The following SLC12A1 variants were observed in gnomAD, a reference collection of about 807,000 sequenced individuals.
SLC12A1 encodes the protein Na-K-2Cl cotransporter.
Under a neutral mutation model 130.4 loss-of-function variants are expected in SLC12A1, and 89 were observed. The ratio of observed to expected loss-of-function variants is 0.68; its 90% confidence interval spans 0.58 to 0.81. SLC12A1 has a LOEUF of 0.81. SLC12A1 is among the 40% of genes least tolerant of loss of function. The pLI is 0.00. For missense variants in SLC12A1, 1,310 were observed against 1,336.4 expected, an observed-to-expected ratio of 0.98 and a Z score of 0.31; for synonymous variants, 499 against 460.0, an observed-to-expected ratio of 1.08 and a Z score of -1.09.
At chr15:48,284,716 T>C (rs1264000067) in intron 20 of SLC12A1, among the ~76,000 whole-genome samples, 1 of 152,212 alleles carries the variant, frequency 6.6e-6, no homozygotes, top group Non-Finnish European at 1.5e-5. Context: ...CATGGCTCAC[T>C]GCAGCCTCTA....
rs899938461 is a variant in SLC12A1 at position 48,303,682 on chromosome 15, G to A, written c.*797G>A. 7 of 151,866 alleles carry A rather than the reference G, an allele frequency of 4.6e-5. No individual in the cohort carries two copies. Among genetic ancestry groups the A allele is most frequent in the African/African-American group, 1.2e-4 (5 of 41,322 alleles). The allele number at this position is 151,866 out of a possible 1,614,324, so 9.4% of individuals were successfully genotyped here. On this transcript the variant is annotated 3_prime_UTR_variant, in exon 27 of 27. Transcript: ENST00000380993. ...TCAAATATTTTGAAATTTCCATCAC[G>A]GCATTACTTTGCATATTTTTTTCTA...
chr15:48,220,797 C>G, intron 3 of SLC12A1, 32 bp downstream of exon 3: 1 of 1,613,708 alleles, frequency 6.2e-7, no homozygotes, highest in Non-Finnish European at 8.5e-7. Context: ...CAAATGAAAA[C>G]TATCCATTCA....
intron 17 of SLC12A1, among the ~76,000 whole-genome samples, chr15:48,266,572 T>C (rs2041834181): frequency 6.6e-6 from 1 of 151,782 alleles, no homozygotes. Flanking sequence ...TTGTTAGAAA[T>C]GCAAAATATT....
intron 7 of SLC12A1, 26 bp downstream of exon 7, chr15:48,230,529 C>G (rs528406352): frequency 2.1e-6 from 3 of 1,433,988 alleles, no homozygotes; most frequent in East Asian, 4.6e-5. Flanking sequence ...ATGATATTAT[C>G]AACAGTGGCT....
chr15:48,251,697 C>A lies in SLC12A1; in HGVS notation c.1869C>A (p.Ile623=), dbSNP rs2041650606. 6.2e-7 allele frequency: 1 copy of A among 1,613,472 alleles called. No homozygotes were observed. Among genetic ancestry groups the A allele is most frequent in the African/African-American group, 1.3e-5 (1 of 74,890 alleles). Reference sequence around the variant, plus strand: ...TGTGCTGTGCAGTCATGTTTGTCATCAACTGGTGGGCAGCTGTCATCACCT... The same window carrying A: ...TGTGCTGTGCAGTCATGTTTGTCATAAACTGGTGGGCAGCTGTCATCACCT... ...AVLCCAVMFV[I]NWWAAVITYV... Residue 623 remains isoleucine, a synonymous_variant, in exon 15 of 27, where the codon ATC becomes ATA. Transcript: ENST00000380993.
chr15:48,253,669 G>A (rs2041672248), intron 15 of SLC12A1, among the ~76,000 whole-genome samples: 2 of 152,038 alleles, frequency 1.3e-5, no homozygotes, highest in African/African-American at 4.8e-5. Flanking sequence ...TTTCCCTTGG[G>A]TAAATATCTA....
At chr15:48,288,543 G>A (rs756198395) in intron 23 of SLC12A1, 27 bp downstream of exon 23, 2 of 1,043,950 alleles carry the variant, frequency 1.9e-6, no homozygotes, top group Non-Finnish European at 2.9e-6. Context: ...TCACATGTTA[G>A]GTCATTTCAG....
intron 17 of SLC12A1, among the ~76,000 whole-genome samples, chr15:48,265,730 T>C (rs1435790571): frequency 6.6e-6 from 1 of 152,132 alleles, no homozygotes; most frequent in Non-Finnish European, 1.5e-5. Flanking sequence ...CTAGGAAATA[T>C]GCTGGAAAAA....
chr15:48,249,535 A>C, intron 13 of SLC12A1, 40 bp from the exon 14 acceptor site: 1 of 1,465,998 alleles, frequency 6.8e-7, no homozygotes, highest in South Asian at 1.1e-5. Context: ...CCCTGGTCTC[A>C]TCACTCATAC....
chr15:48,218,863 G>A (rs1199751636), intron 2 of SLC12A1, among the ~76,000 whole-genome samples: 1 of 152,170 alleles, frequency 6.6e-6, no homozygotes, highest in Non-Finnish European at 1.5e-5. Flanking sequence ...AATTAAGTAA[G>A]TGCATCTGAA....
intron 20 of SLC12A1, among the ~76,000 whole-genome samples, chr15:48,276,594 C>T (rs776416871): frequency 2.0e-5 from 3 of 152,088 alleles, no homozygotes; most frequent in Admixed American, 6.6e-5. Flanking sequence ...TCAATCCTAC[C>T]GATGCCTTGA....
chr15:48,240,071 CCATATATATATATATATA>C (rs2041494080), intron 9 of SLC12A1, among the ~76,000 whole-genome samples: 1 of 36,428 alleles, frequency 2.7e-5, no homozygotes, highest in African/African-American at 1.5e-4. Flanking sequence ...ATATATATAT[CCATATATATATATATATA>C]TCCATATATA....
chr15:48,259,825 A>C (rs10162604), intron 17 of SLC12A1, among the ~76,000 whole-genome samples: 3,357 of 152,304 alleles, frequency 0.022, 122 homozygotes, highest in African/African-American at 0.077. Context: ...ATTCAGAGCT[A>C]AATGAATTAT....
At chr15:48,234,769 G>T in intron 8 of SLC12A1, 108 bp from the exon 9 acceptor site, 4 of 1,051,160 alleles carry the variant, frequency 3.8e-6, no homozygotes, top group African/African-American at 1.6e-5. Context: ...AAAAAAATTA[G>T]AATATAGGAA....
rs12442530 is a variant in SLC12A1 at position 48,288,376 on chromosome 15, A to T, written c.2762-29A>T. ...CATTTCCTTCCATTTAGATATACTCATTGTGTCATAATTTATTCTTTATTC... is the reference window on the plus strand; with the variant it reads ...CATTTCCTTCCATTTAGATATACTCTTTGTGTCATAATTTATTCTTTATTC... On this transcript the variant is annotated intron_variant, in intron 22 of 26. Transcript: ENST00000380993. The T allele has an allele frequency of 0.22, 262,424 of 1,219,706 alleles. 31,678 individuals are homozygous for T. The highest frequency in any genetic ancestry group is 0.42 in the African/African-American group (27,932 of 65,918). 75.6% of individuals were successfully genotyped at this position (1,219,706 alleles called of 1,614,324 possible).
At chr15:48,219,444 T>C (rs2041171462) in intron 2 of SLC12A1, among the ~76,000 whole-genome samples, 1 of 152,030 alleles carries the variant, frequency 6.6e-6, no homozygotes, top group African/African-American at 2.4e-5. Context: ...TAGTCCCAGC[T>C]ACTCTAGAGG....
chr15:48,262,999 C>A (rs1187852406), intron 17 of SLC12A1, among the ~76,000 whole-genome samples: 34 of 152,168 alleles, frequency 2.2e-4, no homozygotes, highest in Admixed American at 2.2e-3. Flanking sequence ...GATATCCAAA[C>A]CAATCATCCC....
intron 25 of SLC12A1, 104 bp from the exon 26 acceptor site, chr15:48,301,211 A>AT (rs533377148): frequency 1.2e-6 from 1 of 819,754 alleles, no homozygotes; most frequent in Non-Finnish European, 2.0e-6. Flanking sequence ...ATTTTTATAC[A>AT]TTTTTTAAGA....
intron 4 of SLC12A1, 42 bp downstream of exon 4, chr15:48,221,038 A>G: frequency 1.3e-6 from 2 of 1,535,336 alleles, no homozygotes; most frequent in Middle Eastern, 1.7e-4. Context: ...CATGTAAATC[A>G]TAAATTCAAT....
Sources: gnomAD v4.1 joint callset for allele counts (sites outside exome capture counted in the v4.1 genomes callset) on GRCh38, gnomAD v4.1.1 for gene constraint, MANE v1.5 for transcripts, NCBI Gene and HGNC (gene_info 2026-07-23, HGNC 2026-07-21) for gene names.